The following PPP2R2B variants were observed in gnomAD, a reference collection of about 807,000 sequenced individuals.
The protein encoded by PPP2R2B is serine/threonine-protein phosphatase 2A 55 kDa regulatory subunit B beta isoform.
A neutral mutation model predicts 46.0 loss-of-function variants in PPP2R2B; 5 were observed. That is an observed-to-expected ratio of 0.11 (90% CI 0.06 to 0.23). The LOEUF (loss-of-function observed/expected upper bound fraction) is 0.23. Among genes scored for constraint, PPP2R2B ranks in the 10% least tolerant of loss-of-function variants. The pLI is 1.00. For synonymous variants in PPP2R2B, 215 were observed against 206.7 expected, an observed-to-expected ratio of 1.04 and a Z score of -0.34; for missense variants, 367 against 575.0, an observed-to-expected ratio of 0.64 and a Z score of 3.70.
At chr5:146,873,167 T>C (rs193189456) in intron 2 of PPP2R2B, among the ~76,000 whole-genome samples, 61 of 152,234 alleles carry the variant, frequency 4.0e-4, no homozygotes, top group African/African-American at 1.4e-3. Flanking sequence ...ATTCTGGGAG[T>C]TGTCCTTGAC....
intron 2 of PPP2R2B, among the ~76,000 whole-genome samples, chr5:146,871,138 T>A (rs542468589): frequency 1.3e-5 from 2 of 152,220 alleles, no homozygotes. Flanking sequence ...GTGGTAAAGA[T>A]GACAAGTTGG....
intron 2 of PPP2R2B, among the ~76,000 whole-genome samples, chr5:146,838,922 A>G (rs923597650): frequency 6.6e-6 from 1 of 152,200 alleles, no homozygotes; most frequent in Non-Finnish European, 1.5e-5. Context: ...TCCTCACTAC[A>G]GCCTCTTCAA....
At chr5:146,630,787 C>G (rs1012244141) in intron 7 of PPP2R2B, among the ~76,000 whole-genome samples, 1 of 152,178 alleles carries the variant, frequency 6.6e-6, no homozygotes, top group Non-Finnish European at 1.5e-5. Context: ...ACCATCTTCA[C>G]TCCAACCATA....
At chr5:146,859,285 C>A (rs745516925) in intron 2 of PPP2R2B, among the ~76,000 whole-genome samples, 1 of 152,166 alleles carries the variant, frequency 6.6e-6, no homozygotes, top group Non-Finnish European at 1.5e-5. Context: ...AAATACAAAA[C>A]CCCTCCCACA....
chr5:146,834,336 C>T (rs1490232950), intron 2 of PPP2R2B, among the ~76,000 whole-genome samples: 1 of 152,152 alleles, frequency 6.6e-6, no homozygotes, highest in Non-Finnish European at 1.5e-5. Flanking sequence ...AAAGTTACAA[C>T]TAGTTAGTGG....
chr5:146,596,707 A>G (rs1771206240), intron 8 of PPP2R2B, among the ~76,000 whole-genome samples: 2 of 152,182 alleles, frequency 1.3e-5, no homozygotes. Context: ...GCTAAAGATG[A>G]AGGGCTGCAA....
At chr5:146,979,481 T>G (rs985019627) in intron 1 of PPP2R2B, among the ~76,000 whole-genome samples, 1 of 151,928 alleles carries the variant, frequency 6.6e-6, no homozygotes, top group African/African-American at 2.4e-5. Flanking sequence ...ACCTGCCACA[T>G]AGTAGATGCT....
intron 1 of PPP2R2B, among the ~76,000 whole-genome samples, chr5:147,007,901 C>T (rs1034147274): frequency 1.3e-5 from 2 of 152,132 alleles, no homozygotes; most frequent in Admixed American, 6.5e-5. Context: ...TGAGGGTCCG[C>T]GGCTTCATTC....
chr5:146,935,082 T>C (rs950936885), intron 1 of PPP2R2B, among the ~76,000 whole-genome samples: 1 of 152,208 alleles, frequency 6.6e-6, no homozygotes, highest in Admixed American at 6.6e-5. Context: ...CAGACAGACT[T>C]AGATCCAGTC....
At position 146,855,375 on chromosome 5, in the gene PPP2R2B, C is replaced by T. The variant is rs73307071; in HGVS notation, c.70+22627G>A. 6.2e-3 allele frequency among the ~76,000 whole-genome samples: 940 copies of T among 152,288 alleles called. 8 individuals carry two copies. Among genetic ancestry groups the T allele is most frequent in the African/African-American group, 0.021 (881 of 41,574 alleles). On this transcript the variant is annotated intron_variant, in intron 2 of 9. Transcript: ENST00000394411. ...CACCTGCATGGAGTCTCTATAAATG[C>T]ATAATGCTAACATTGCATAGTTCCC... is the stretch of plus-strand genomic sequence containing the variant.
intron 1 of PPP2R2B, among the ~76,000 whole-genome samples, chr5:146,889,915 C>T (rs1215968858): frequency 1.3e-5 from 2 of 152,120 alleles, no homozygotes; most frequent in Non-Finnish European, 2.9e-5. Flanking sequence ...AGGTCTAGCC[C>T]GTCATTTTGC....
rs531917671 is a variant in PPP2R2B at position 146,804,110 on chromosome 5, C to T, written c.70+73892G>A. Among the ~76,000 whole-genome samples the T allele has an allele frequency of 3.2e-4, 48 of 151,186 alleles. 1 individual carries two copies. The South Asian group carries it at 4.8e-3, about 15-fold the overall frequency. ...TGAACCCGGGAGGTGGAGGTTGCAG[C>T]GAGCAGAGATCATGCCACTGCACTC... On this transcript the variant is annotated intron_variant, in intron 2 of 9. Coordinates refer to ENST00000394411, the MANE Select transcript of PPP2R2B (RefSeq NM_181675.4).
chr5:146,647,502 T>C (rs1775666318), intron 6 of PPP2R2B, among the ~76,000 whole-genome samples: 1 of 152,238 alleles, frequency 6.6e-6, no homozygotes, highest in Non-Finnish European at 1.5e-5. Context: ...ATCGTTCTCA[T>C]GATGACAATG....
intron 2 of PPP2R2B, among the ~76,000 whole-genome samples, chr5:146,710,648 C>A (rs977564936): frequency 6.6e-6 from 1 of 152,176 alleles, no homozygotes; most frequent in Non-Finnish European, 1.5e-5. Flanking sequence ...CATCTGTCAC[C>A]CAATTTTTCA....
intron 2 of PPP2R2B, among the ~76,000 whole-genome samples, chr5:146,735,580 A>G (rs1752488225): frequency 6.6e-6 from 1 of 152,204 alleles, no homozygotes; most frequent in Non-Finnish European, 1.5e-5. Context: ...GATGGGGGAA[A>G]AAAAGAGTCT....
chr5:146,614,317 G>T (rs1300435079), intron 7 of PPP2R2B, among the ~76,000 whole-genome samples: 1 of 72,012 alleles, frequency 1.4e-5, no homozygotes, highest in Non-Finnish European at 2.3e-5. Flanking sequence ...GCTGAAACTG[G>T]ATCCCTTCCT....
At chr5:146,939,364 C>T (rs1050289440) in intron 1 of PPP2R2B, among the ~76,000 whole-genome samples, 10 of 152,152 alleles carry the variant, frequency 6.6e-5, no homozygotes, top group African/African-American at 2.4e-4. Flanking sequence ...CTGTGAGACC[C>T]TGAGCACATG....
At chr5:146,747,372 C>T (rs991935826) in intron 2 of PPP2R2B, among the ~76,000 whole-genome samples, 8 of 152,132 alleles carry the variant, frequency 5.3e-5, no homozygotes, top group African/African-American at 1.9e-4. Flanking sequence ...AACTGTTCAA[C>T]CTATAATTCC....
chr5:146,821,768 G>A (rs1281658941), intron 2 of PPP2R2B, among the ~76,000 whole-genome samples: 1 of 147,500 alleles, frequency 6.8e-6, no homozygotes, highest in Non-Finnish European at 1.5e-5. Context: ...CATGTGCCTA[G>A]TACTCTGCCA....
Sources: allele counts gnomAD v4.1 joint callset (sites outside exome capture counted in the v4.1 genomes callset), GRCh38; gene constraint gnomAD v4.1.1; transcripts MANE v1.5; gene names NCBI Gene and HGNC (gene_info 2026-07-23, HGNC 2026-07-21).